The following UMOD variants were observed in gnomAD, a reference collection of about 807,000 sequenced individuals.
The protein encoded by UMOD is uromodulin, also known as Tamm-Horsfall urinary glycoprotein.
A neutral mutation model predicts 66.0 loss-of-function variants in UMOD; 64 were observed. That is an observed-to-expected ratio of 0.97 (90% CI 0.79 to 1.19). The LOEUF (loss-of-function observed/expected upper bound fraction) is 1.19, where lower values mean the gene tolerates loss of function less well. Ranked by LOEUF, UMOD falls within the 50% of genes most tolerant of loss-of-function variation. UMOD has a pLI of 0.00. For missense variants in UMOD, 764 were observed against 850.9 expected, an observed-to-expected ratio of 0.90 and a Z score of 1.27; for synonymous variants, 398 against 352.7, an observed-to-expected ratio of 1.13 and a Z score of -1.44.
chr16:20,337,158 G>T (rs1211566109), intron 8 of UMOD, 133 bp downstream of exon 8: 4 of 1,252,582 alleles, frequency 3.2e-6, no homozygotes, highest in East Asian at 2.5e-5. Flanking sequence ...GCCTAGCCAC[G>T]CCCACCTCAT....
chr16:20,341,450 A>G (rs1965214045), intron 6 of UMOD, 114 bp from the exon 7 acceptor site: 7 of 1,563,562 alleles, frequency 4.5e-6, no homozygotes, highest in African/African-American at 1.3e-5. Context: ...ATTTTTATCC[A>G]GCAATAAGAG....
At chr16:20,350,440 G>C (rs1965835148) in intron 2 of UMOD, among the ~76,000 whole-genome samples, 1 of 152,212 alleles carries the variant, frequency 6.6e-6, no homozygotes, top group Non-Finnish European at 1.5e-5. Context: ...CTGCAGATCT[G>C]CTGAACCAGA....
intron 9 of UMOD, among the ~76,000 whole-genome samples, chr16:20,336,304 C>A (rs1964863787): frequency 6.6e-6 from 1 of 152,204 alleles, no homozygotes; most frequent in African/African-American, 2.4e-5. Flanking sequence ...CACAAGACCT[C>A]CAGACACAGA....
At chr16:20,334,645 G>A (rs1248173219) in intron 10 of UMOD, among the ~76,000 whole-genome samples, 1 of 152,002 alleles carries the variant, frequency 6.6e-6, no homozygotes, top group Non-Finnish European at 1.5e-5. Context: ...CTAAGTCCAG[G>A]CACTCCAGGC....
At chr16:20,337,518 G>T in intron 7 of UMOD, 65 bp from the exon 8 acceptor site, 1 of 1,599,696 alleles carries the variant, frequency 6.3e-7, no homozygotes, top group Non-Finnish European at 8.6e-7. Flanking sequence ...AGACTTCCTG[G>T]ATTCAAATAT....
rs1231208537 is a variant in UMOD, at chr16:20,333,282, C to A, written c.*32G>T. On this transcript the variant is annotated 3_prime_UTR_variant, in exon 11 of 11. Transcript: ENST00000396138. ...CCCTGCCCAGCAGGAGGTGAGATGGCAGCCATGGAGCACAGGGCTTTCCGC... is the reference window on the plus strand; with the variant it reads ...CCCTGCCCAGCAGGAGGTGAGATGGAAGCCATGGAGCACAGGGCTTTCCGC... The A allele has an allele frequency of 6.2e-7, 1 of 1,605,854 alleles. No homozygotes were observed. Among genetic ancestry groups the A allele is most frequent in the Admixed American group, 1.7e-5 (1 of 59,608 alleles).
In UMOD at chr16:20,336,593, T is replaced by C. The variant is rs1964884329; in HGVS notation, c.1822+53A>G. ...TGCCAGGCTCTGTTATCCCTCTTCC[T>C]CTCCAGAAATCTTTCCCAGCCAGGA... On this transcript the variant is annotated intron_variant, in intron 9 of 10. Transcript: ENST00000396138. The C allele has an allele frequency of 3.2e-6, 5 of 1,562,124 alleles. No homozygotes were observed. In the East Asian group the frequency reaches 1.1e-4, roughly 35 times the overall value.
Position 20,348,770 on chromosome 16 carries a change from G to A in UMOD, c.531C>T (p.His177=), listed in dbSNP as rs751533122. The change falls in exon 3 of 11, where the codon CAC becomes CAT. Residue 177 remains histidine, a synonymous_variant. Coordinates refer to ENST00000396138, the MANE Select transcript of UMOD (RefSeq NM_003361.4). ...TGCGCCAGTACTCGTCCAGGGTGCGGTGCGCCTGGCACGGATCCGCGCACA... is the reference window on the plus strand; with the variant it reads ...TGCGCCAGTACTCGTCCAGGGTGCGATGCGCCTGGCACGGATCCGCGCACA... ...ALVCADPCQA[H]RTLDEYWRST... is the part of the protein sequence containing the mutation. 1.3e-6 allele frequency: 2 copies of A among 1,543,702 alleles called. No homozygotes were observed. The highest frequency in any genetic ancestry group is 2.4e-5 in the South Asian group (2 of 83,966).
At chr16:20,344,781 G>A (rs1227912007) in intron 5 of UMOD, among the ~76,000 whole-genome samples, 1 of 152,152 alleles carries the variant, frequency 6.6e-6, no homozygotes, top group Non-Finnish European at 1.5e-5. Flanking sequence ...CATAGCATTA[G>A]TTCCTTCAGT....
At chr16:20,353,912 G>C (rs4997081), upstream of UMOD, among the ~76,000 whole-genome samples, 38,172 of 151,922 alleles carry the variant, frequency 0.25, 5,254 homozygotes, top group African/African-American at 0.36. Flanking sequence ...CCCGCTCCCC[G>C]CATCCCACAA....
At chr16:20,354,109 T>C (rs112100230), upstream of UMOD, among the ~76,000 whole-genome samples, 468 of 152,370 alleles carry the variant, frequency 3.1e-3, 5 homozygotes, top group Middle Eastern at 0.014. Context: ...GGCTGCATAG[T>C]ATTCCACGGT....
upstream of UMOD, among the ~76,000 whole-genome samples, chr16:20,355,627 T>C (rs7204775): frequency 0.26 from 39,772 of 151,780 alleles, 5,857 homozygotes; most frequent in African/African-American, 0.4. Context: ...CTCGAACTCC[T>C]GACCTCAGGT....
At chr16:20,345,139 G>T (rs1186213012) in intron 5 of UMOD, among the ~76,000 whole-genome samples, 2 of 151,920 alleles carry the variant, frequency 1.3e-5, no homozygotes, top group African/African-American at 2.4e-5. Flanking sequence ...TCAGCCTCCC[G>T]AGTAGCTGGG....
rs1965751318 is a variant in UMOD, at chr16:20,348,973, C to T, written c.328G>A (p.Asp110Asn). The change falls in exon 3 of 11, where the codon GAT (aspartate) becomes AAT (asparagine). Residue 110 changes from aspartate to asparagine, a missense_variant. Transcript: ENST00000396138. ...LSPGLGCTDV[D>N]ECAEPGLSHC... ...CTAAGCCCAGGCTCAGCGCACTCAT[C>T]CACGTCTGTGCAGCCGAGACCGGGC... 1.3e-6 allele frequency: 2 copies of T among 1,574,140 alleles called. No homozygotes were observed. The highest frequency in any genetic ancestry group is 1.7e-4 in the Middle Eastern group (1 of 6,014).
In UMOD at chr16:20,337,420, C is replaced by T. The variant is rs1964947082; in HGVS notation, c.1611G>A (p.Val537=). 1 of 1,614,048 alleles carries T rather than the reference C, an allele frequency of 6.2e-7. No homozygotes were observed. The highest frequency in any genetic ancestry group is 1.3e-5 in the African/African-American group (1 of 74,922). Residue 537 remains valine (V), a synonymous_variant, in exon 8 of 11, where the codon GTG becomes GTA. Coordinates refer to ENST00000396138, the MANE Select transcript of UMOD (RefSeq NM_003361.4). Reference sequence around the variant, plus strand: ...CCTGGGAGGACTCCCCATTCTCCACCACTTGGATAGTTGAGTCTCTAGTGT... The same window carrying T: ...CCTGGGAGGACTCCCCATTCTCCACTACTTGGATAGTTGAGTCTCTAGTGT... The part of the protein sequence containing the change: ...CPHTRDSTIQ[V]VENGESSQGR...
intron 7 of UMOD, among the ~76,000 whole-genome samples, chr16:20,339,901 G>A (rs930383886): frequency 3.3e-5 from 5 of 152,066 alleles, no homozygotes; most frequent in South Asian, 2.1e-4. Flanking sequence ...GTGAATCACC[G>A]TCTCATGGTA....
At position 20,344,129 on chromosome 16, in the gene UMOD, G is replaced by T. The variant is rs1286179716; in HGVS notation, c.1226C>A (p.Ala409Glu). ...GAGGTCACGGATGATGATCTCATCT[G>T]CCAGGTAGAGGGTGTTGCTGTAAGT... ...HATYSNTLYL[A>E]DEIIIRDLNI... Residue 409 changes from alanine (A) to glutamate (E), a missense_variant, in exon 6 of 11, where the codon GCA becomes GAA. Physicochemically the swap from Ala to Glu is moderately radical, Grantham distance 107. Transcript: ENST00000396138. 6.2e-7 allele frequency: 1 copy of T among 1,613,404 alleles called. No homozygotes were observed. Among genetic ancestry groups the T allele is most frequent in the Admixed American group, 1.7e-5 (1 of 59,946 alleles).
chr16:20,347,419 T>A (rs1343887338), intron 4 of UMOD, among the ~76,000 whole-genome samples: 3 of 152,236 alleles, frequency 2.0e-5, no homozygotes, highest in Non-Finnish European at 4.4e-5. Flanking sequence ...TTTTTAAAAA[T>A]TGAAGTATTT....
chr16:20,338,637 G>A (rs921572109), intron 7 of UMOD, among the ~76,000 whole-genome samples: 20 of 151,974 alleles, frequency 1.3e-4, no homozygotes, highest in African/African-American at 4.4e-4. Flanking sequence ...AGGATTACAG[G>A]TGTGTGCCAT....
Sources: allele counts gnomAD v4.1 joint callset (sites outside exome capture counted in the v4.1 genomes callset), GRCh38; gene constraint gnomAD v4.1.1; transcripts MANE v1.5; gene names NCBI Gene and HGNC (gene_info 2026-07-23, HGNC 2026-07-21).